The following CLYBL variants were observed in gnomAD, a reference collection of about 807,000 sequenced individuals.
CLYBL encodes the protein citramalyl-CoA lyase, mitochondrial.
A neutral mutation model predicts 38.9 loss-of-function variants in CLYBL; 31 were observed. The ratio of observed to expected loss-of-function variants is 0.80; its 90% CI spans 0.60 to 1.08. CLYBL has a LOEUF of 1.08. CLYBL is among the 50% of genes least tolerant of loss of function. CLYBL has a pLI of 0.00. For synonymous variants in CLYBL, 171 were observed against 158.6 expected, an observed-to-expected ratio of 1.08 and a Z score of -0.59; for missense variants, 434 against 411.6, an observed-to-expected ratio of 1.05 and a Z score of -0.47.
rs560852282 is a variant in CLYBL at position 99,855,379 on chromosome 13, G to A, written c.250-3482G>A. Among the ~76,000 whole-genome samples the A allele has an allele frequency of 7.9e-5, 12 of 152,138 alleles. No individual in the cohort carries two copies. The South Asian group carries it at 8.3e-4, about 11-fold the overall frequency. ...AGGAAGCACTTACCTCCCAATAGTC[G>A]TAGCAGGTCACCCTGAGAGCCCTTC... On this transcript the variant is annotated intron_variant, in intron 2 of 8. Transcript: ENST00000339105.
Position 99,849,972 on chromosome 13 carries a change from C to A in CLYBL, c.250-8889C>A, listed in dbSNP as rs1382862671. ...ACAAAAATATCACGATCCCCCCAAT[C>A]CACACCATATACAAATATATATACT... is the stretch of plus-strand genomic sequence containing the variant. On this transcript the variant is annotated intron_variant, in intron 2 of 8. Transcript: ENST00000339105. The surrounding 1 kb of genome is among the most constrained non-coding windows in gnomAD (Gnocchi z 4.9). Among the ~76,000 whole-genome samples, 1 of 152,158 alleles carries A rather than the reference C, an allele frequency of 6.6e-6. No homozygotes were observed. Among genetic ancestry groups the A allele is most frequent in the Non-Finnish European group, 1.5e-5 (1 of 68,038 alleles).
At chr13:99,817,865 G>A (rs1220874203) in intron 2 of CLYBL, among the ~76,000 whole-genome samples, 4 of 151,958 alleles carry the variant, frequency 2.6e-5, no homozygotes, top group Admixed American at 6.6e-5. Flanking sequence ...TTAGTCGGGC[G>A]TGGTGGCACA....
rs546222087 is a variant in CLYBL, at chr13:99,905,120, G to A, written c.*25-150G>A. Among the ~76,000 whole-genome samples the A allele has an allele frequency of 2.7e-3, 409 of 152,306 alleles. 2 individuals carry two copies. Among genetic ancestry groups the A allele is most frequent in the African/African-American group, 8.8e-3 (367 of 41,562 alleles). On this transcript the variant is annotated intron_variant and NMD_transcript_variant, in intron 8 of 9. Transcript: ENST00000689673. Reference sequence around the variant, plus strand: ...TGGTCCTAGGCCATTCTCTCCAGCCGAGGACCTCCTGGGAGAGATCCAGAA... The same window carrying A: ...TGGTCCTAGGCCATTCTCTCCAGCCAAGGACCTCCTGGGAGAGATCCAGAA...
At position 99,869,575 on chromosome 13, in the gene CLYBL, G is replaced by A. The variant is rs1040759678; in HGVS notation, c.803-1363G>A. On this transcript the variant is annotated intron_variant, in intron 6 of 8. Coordinates refer to ENST00000339105, the MANE Select transcript of CLYBL (RefSeq NM_206808.5). The surrounding 1 kb of genome is among the most constrained non-coding windows in gnomAD (Gnocchi z 4.3). ...TATTAGTATGCTGACAGAAAAGAAT[G>A]AAATAGCAATGTGAGGATGTTTTAA... Among the ~76,000 whole-genome samples the A allele has an allele frequency of 6.6e-6, 1 of 152,052 alleles. No individual in the cohort carries two copies. Among genetic ancestry groups the A allele is most frequent in the Non-Finnish European group, 1.5e-5 (1 of 67,960 alleles).
rs1457192996 is a variant in CLYBL at position 99,807,507 on chromosome 13, A to T, written c.249+34497A>T. On this transcript the variant is annotated intron_variant, in intron 2 of 8. Coordinates refer to ENST00000339105, the MANE Select transcript of CLYBL (RefSeq NM_206808.5). Reference sequence around the variant, plus strand: ...GTTTTTAAAAAGGAAAGATCTTCTGATACATGCTACAACATGGATGAACCC... The same window carrying T: ...GTTTTTAAAAAGGAAAGATCTTCTGTTACATGCTACAACATGGATGAACCC... Among the ~76,000 whole-genome samples the T allele has an allele frequency of 3.9e-5, 6 of 152,302 alleles. No individual in the cohort carries two copies. The East Asian group carries it at 1.2e-3, about 29-fold the overall frequency.
Position 99,681,845 on chromosome 13 carries a change from C to A in CLYBL, c.62+75088C>A, listed in dbSNP as rs529412410. 2.2e-3 allele frequency among the ~76,000 whole-genome samples: 329 copies of A among 152,070 alleles called. 2 individuals are homozygous for A. The highest frequency in any genetic ancestry group is 7.4e-3 in the African/African-American group (307 of 41,448). On this transcript the variant is annotated intron_variant, in intron 1 of 8. Transcript: ENST00000339105. Reference sequence around the variant, plus strand: ...AAGTGATCCACCTGTCTCGGCCCCCCACAGTGCCAGGATTACAGGTGTGAG... The same window carrying A: ...AAGTGATCCACCTGTCTCGGCCCCCAACAGTGCCAGGATTACAGGTGTGAG...
intron 1 of CLYBL, among the ~76,000 whole-genome samples, chr13:99,712,169 T>A (rs2048244104): frequency 6.6e-6 from 1 of 152,202 alleles, no homozygotes; most frequent in African/African-American, 2.4e-5. Flanking sequence ...AACTTTCTGC[T>A]ATGGAAGTTG....
chr13:99,736,586 T>A (rs918601981), intron 1 of CLYBL, among the ~76,000 whole-genome samples: 1 of 152,062 alleles, frequency 6.6e-6, no homozygotes, highest in African/African-American at 2.4e-5. Context: ...GCATGACATT[T>A]TCAAGGAAAA....
At chr13:99,873,606 C>T (rs1594237877) in intron 7 of CLYBL, among the ~76,000 whole-genome samples, 1 of 152,270 alleles carries the variant, frequency 6.6e-6, no homozygotes, top group African/African-American at 2.4e-5. Flanking sequence ...TGCTTTTCTG[C>T]ACTTCTTCCT....
chr13:99,702,323 T>G (rs2048078949), intron 1 of CLYBL, among the ~76,000 whole-genome samples: 1 of 152,082 alleles, frequency 6.6e-6, no homozygotes, highest in Non-Finnish European at 1.5e-5. Context: ...TTTACTTATT[T>G]TGGGGGTCTT....
chr13:99,899,512 G>T (rs1000713385), downstream of CLYBL, among the ~76,000 whole-genome samples: 1 of 152,124 alleles, frequency 6.6e-6, no homozygotes, highest in African/African-American at 2.4e-5. Flanking sequence ...GGTTGTCAGG[G>T]TTGGGGGTGG....
chr13:99,893,065 G>A (rs1566370250), downstream of CLYBL: 1 of 152,314 alleles, frequency 6.6e-6, no homozygotes, highest in African/African-American at 2.4e-5. Flanking sequence ...GCTCCTAAAT[G>A]GAGATGGCAC....
At chr13:99,863,145 G>A (rs2051650658) in intron 4 of CLYBL, 53 bp downstream of exon 4, 2 of 926,240 alleles carry the variant, frequency 2.2e-6, no homozygotes, top group Admixed American at 2.6e-5. Flanking sequence ...ATCACCTAAA[G>A]AGAACTTTTG....
At chr13:99,764,526 T>C (rs527361533) in intron 1 of CLYBL, among the ~76,000 whole-genome samples, 1 of 152,286 alleles carries the variant, frequency 6.6e-6, no homozygotes, top group South Asian at 2.1e-4. Flanking sequence ...TTTGTTGGCA[T>C]GTAGTTGTTC....
chr13:99,782,643 A>G (rs1330776724), intron 2 of CLYBL, among the ~76,000 whole-genome samples: 1 of 152,132 alleles, frequency 6.6e-6, no homozygotes, highest in Non-Finnish European at 1.5e-5. Context: ...TTCCCTTGGT[A>G]TACTGAAGTT....
chr13:99,705,390 G>A (rs186094225), intron 1 of CLYBL, among the ~76,000 whole-genome samples: 6 of 152,266 alleles, frequency 3.9e-5, no homozygotes, highest in Admixed American at 3.9e-4. Context: ...AGACCATCCT[G>A]ACCAACATGG....
intron 1 of CLYBL, among the ~76,000 whole-genome samples, chr13:99,770,144 G>A: frequency 6.9e-6 from 1 of 144,682 alleles, no homozygotes; most frequent in Admixed American, 7.2e-5. Context: ...GCAGTGGCGC[G>A]ATCTCAGCTC....
intron 1 of CLYBL, among the ~76,000 whole-genome samples, chr13:99,697,903 C>A (rs367634415): frequency 1.5e-4 from 23 of 151,976 alleles, no homozygotes; most frequent in African/African-American, 5.3e-4. Context: ...TTGTCTCAGT[C>A]TCCCAAAGTG....
chr13:99,859,179 A>G (rs1023280685), intron 3 of CLYBL, 130 bp downstream of exon 3: 1 of 632,904 alleles, frequency 1.6e-6, no homozygotes, highest in Non-Finnish European at 2.6e-6. Flanking sequence ...GAGAAAAAGC[A>G]GTAAGCTCAA....
Sources: allele counts gnomAD v4.1 joint callset (sites outside exome capture counted in the v4.1 genomes callset), GRCh38; gene constraint gnomAD v4.1.1; non-coding constraint Gnocchi (gnomAD v3.1); transcripts MANE v1.5; gene names NCBI Gene and HGNC (gene_info 2026-07-23, HGNC 2026-07-21).